The following SYT13 variants were observed in gnomAD, a reference collection of about 807,000 sequenced individuals.
SYT13 encodes the protein synaptotagmin 13.
A neutral mutation model predicts 38.6 loss-of-function variants in SYT13; 21 were observed. The ratio of observed to expected loss-of-function variants is 0.54; its 90% confidence interval spans 0.39 to 0.78. The LOEUF (loss-of-function observed/expected upper bound fraction) is 0.78. Among genes scored for constraint, SYT13 ranks in the 30% least tolerant of loss-of-function variants. The pLI is 0.00. For synonymous variants in SYT13, 241 were observed against 237.6 expected (o/e 1.01, Z -0.13); for missense variants, 495 against 548.7 (o/e 0.90, Z 0.98).
At chr11:45,254,513 C>T in intron 2 of SYT13, 109 bp from the exon 3 acceptor site, 3 of 1,475,940 alleles carry the variant, frequency 2.0e-6, no homozygotes, top group South Asian at 1.4e-5. Context: ...CCCAAGTCTT[C>T]CCAGCTGTGT....
intron 1 of SYT13, among the ~76,000 whole-genome samples, chr11:45,266,120 G>A (rs1379017747): frequency 6.6e-6 from 1 of 152,166 alleles, no homozygotes; most frequent in African/African-American, 2.4e-5. Flanking sequence ...GCTGAATTGG[G>A]CTTTCTGGGG....
At position 45,240,675 on chromosome 11, in the gene SYT13, A is replaced by G. The variant is rs544931723; in HGVS notation, c.*3377T>C. On this transcript the variant is annotated 3_prime_UTR_variant, in exon 6 of 6. Transcript: ENST00000020926. ...GGTCTTAATCAATAAGTGCTCAACA[A>G]ATAGATATTGATTTGGTGCAAGAGG... The G allele has an allele frequency of 2.0e-5, 3 of 152,350 alleles. No homozygotes were observed. The highest frequency in any genetic ancestry group is 6.5e-5 in the Admixed American group (1 of 15,304). The allele number at this position is 152,350 out of a possible 1,614,324, so 9.4% of individuals were successfully genotyped here. A position where few individuals can be genotyped will look rare whatever the true frequency, so the allele number is the denominator to read the frequency against.
At chr11:45,271,627 GAC>G (rs1409067276) in intron 1 of SYT13, among the ~76,000 whole-genome samples, 36 of 152,328 alleles carry the variant, frequency 2.4e-4, no homozygotes, top group African/African-American at 8.7e-4. Flanking sequence ...GAGAAACGTT[GAC>G]AGTTTGTGAG....
intron 1 of SYT13, among the ~76,000 whole-genome samples, chr11:45,260,718 A>G (rs935584679): frequency 1.3e-5 from 2 of 152,204 alleles, no homozygotes; most frequent in African/African-American, 4.8e-5. Flanking sequence ...TTGGCATTGC[A>G]TGCACATCTG....
At chr11:45,259,823 G>C (rs1854794300) in intron 1 of SYT13, among the ~76,000 whole-genome samples, 1 of 152,214 alleles carries the variant, frequency 6.6e-6, no homozygotes, top group Non-Finnish European at 1.5e-5. Context: ...GGGTGGCCCT[G>C]CCTTGTGACT....
chr11:45,264,988 C>A (rs1199745111), intron 1 of SYT13, among the ~76,000 whole-genome samples: 1 of 152,150 alleles, frequency 6.6e-6, no homozygotes, highest in African/African-American at 2.4e-5. Flanking sequence ...TCCACTCCCA[C>A]GTATTTATCC....
intron 1 of SYT13, among the ~76,000 whole-genome samples, chr11:45,261,592 G>A (rs114876880): frequency 0.04 from 5,755 of 143,770 alleles, 409 homozygotes; most frequent in African/African-American, 0.14. Flanking sequence ...GCGAGACTCC[G>A]TCTAAAAAAA....
rs1483525887 is a variant in SYT13, at chr11:45,254,189, AGATGATCCCAT to A, written c.544+70_544+80del. On this transcript the variant is annotated intron_variant, in intron 3 of 5. Transcript: ENST00000020926. ...CTAATCCAGTGCTCTCTCCAGCTGCAGATGATCCCATCCTGCCTGCACAGCTTCTCCAGGGG... is the reference window on the plus strand; with the variant it reads ...CTAATCCAGTGCTCTCTCCAGCTGCACCTGCCTGCACAGCTTCTCCAGGGG... 1.1e-5 allele frequency: 16 copies of A among 1,476,378 alleles called. No homozygotes were observed. In the East Asian group the frequency reaches 3.3e-4, roughly 31 times the overall value. The allele number at this position is 1,476,378 out of a possible 1,614,324, so 91.5% of individuals were successfully genotyped here.
chr11:45,266,881 T>C (rs757693564), intron 1 of SYT13, among the ~76,000 whole-genome samples: 1 of 152,210 alleles, frequency 6.6e-6, no homozygotes, highest in Non-Finnish European at 1.5e-5. Flanking sequence ...CAGTCACTTA[T>C]TAACAGACTT....
At chr11:45,258,576 T>A (rs1854776049) in intron 1 of SYT13, 1 of 152,146 alleles carries the variant, frequency 6.6e-6, no homozygotes, top group Non-Finnish European at 1.5e-5. Flanking sequence ...GTGAAATAAA[T>A]AAGTATATTT....
At chr11:45,269,608 T>G in intron 1 of SYT13, 1 of 503,908 alleles carries the variant, frequency 2.0e-6, no homozygotes, top group Non-Finnish European at 3.1e-6. Context: ...TATTAACAAA[T>G]AAAAAATAAC....
intron 1 of SYT13, among the ~76,000 whole-genome samples, chr11:45,260,825 C>A (rs1161802570): frequency 2.0e-5 from 3 of 152,146 alleles, no homozygotes; most frequent in South Asian, 2.1e-4. Context: ...GCTGCTTGCT[C>A]CCCCCACTGT....
chr11:45,248,723 C>T (rs1854640944), intron 4 of SYT13, among the ~76,000 whole-genome samples: 2 of 152,188 alleles, frequency 1.3e-5, no homozygotes, highest in African/African-American at 2.4e-5. Context: ...GTAGCCCGGG[C>T]TATAGCCACA....
chr11:45,276,048 T>C (rs7124508), intron 1 of SYT13, among the ~76,000 whole-genome samples: 65,298 of 152,020 alleles, frequency 0.43, 16,030 homozygotes, highest in Non-Finnish European at 0.56. Context: ...ACAGCAAATG[T>C]TTGTTGAAAA....
intron 1 of SYT13, among the ~76,000 whole-genome samples, chr11:45,271,766 G>A (rs1373692004): frequency 6.6e-6 from 1 of 152,168 alleles, no homozygotes; most frequent in Non-Finnish European, 1.5e-5. Context: ...GACACAGTGA[G>A]GGTAACCCAG....
chr11:45,246,617 G>T (rs995441954), intron 4 of SYT13, 105 bp from the exon 5 acceptor site: 4 of 1,466,900 alleles, frequency 2.7e-6, no homozygotes, highest in Non-Finnish European at 3.6e-6. Flanking sequence ...CATCCAACAC[G>T]CATCCTTGAA....
chr11:45,286,016 C>A lies in SYT13; in HGVS notation c.183+9G>T. 6.2e-7 allele frequency: 1 copy of A among 1,603,806 alleles called. No homozygotes were observed. Among genetic ancestry groups the A allele is most frequent in the Non-Finnish European group, 8.5e-7 (1 of 1,178,838 alleles). The stretch of plus-strand genomic sequence containing the variant: ...GCCCGGGAAGGGCCTGCGCGCCGCC[C>A]CCGCTCACCTGTTGTGCAGACCCGA... On this transcript the variant is annotated intron_variant, in intron 1 of 5. Transcript: ENST00000020926.
At chr11:45,256,320 C>G (rs1014104765) in intron 1 of SYT13, among the ~76,000 whole-genome samples, 4 of 152,208 alleles carry the variant, frequency 2.6e-5, no homozygotes, top group African/African-American at 9.7e-5. Flanking sequence ...GCTTGCCTAG[C>G]TTGATCCTGC....
chr11:45,265,518 C>T (rs1439425322), intron 1 of SYT13, among the ~76,000 whole-genome samples: 5 of 152,194 alleles, frequency 3.3e-5, no homozygotes, highest in Admixed American at 1.3e-4. Flanking sequence ...TCATTTCTCA[C>T]AGTTCTAGAG....
Sources: gnomAD v4.1 joint callset for allele counts (sites outside exome capture counted in the v4.1 genomes callset) on GRCh38, gnomAD v4.1.1 for gene constraint, MANE v1.5 for transcripts, NCBI Gene and HGNC (gene_info 2026-07-23, HGNC 2026-07-21) for gene names.